Variants in ROBO2 observed in about 807,000 individuals in gnomAD.
The protein encoded by ROBO2 is roundabout homolog 2.
A neutral mutation model predicts 160.8 loss-of-function variants in ROBO2; 53 were observed. The observed-to-expected ratio is 0.33, with a 90% confidence interval of 0.26 to 0.41. ROBO2 has a LOEUF of 0.41. ROBO2 is among the 10% of genes least tolerant of loss of function. ROBO2 has a pLI of 1.00. For synonymous variants in ROBO2, 664 were observed against 611.7 expected (o/e 1.09, Z -1.26); for missense variants, 1,577 against 1,722.4 (o/e 0.92, Z 1.49).
chr3:77,213,970 A>G (rs182850387), intron 2 of ROBO2, among the ~76,000 whole-genome samples: 75 of 152,008 alleles, frequency 4.9e-4, no homozygotes, highest in African/African-American at 1.7e-3. Flanking sequence ...CTGTTTTTTT[A>G]CATTTGCTGA....
chr3:77,041,575 T>C (rs2064102904), intron 1 of ROBO2, among the ~76,000 whole-genome samples: 1 of 152,198 alleles, frequency 6.6e-6, no homozygotes, highest in East Asian at 1.9e-4. Flanking sequence ...CTCTTGTCTT[T>C]TGTTCCGATT....
chr3:77,621,142 TG>T, intron 22 of ROBO2, among the ~76,000 whole-genome samples: 1 of 152,280 alleles, frequency 6.6e-6, no homozygotes, highest in South Asian at 2.1e-4. Flanking sequence ...TAAAGAAGGT[TG>T]GGCCAAGCAT....
At position 77,129,110 on chromosome 3, in the gene ROBO2, G is replaced by A. The variant is rs934886489; in HGVS notation, c.388+30770G>A. 5.9e-5 allele frequency among the ~76,000 whole-genome samples: 9 copies of A among 151,788 alleles called. No homozygotes were observed. In the East Asian group the frequency reaches 1.7e-3, roughly 29 times the overall value. The stretch of plus-strand genomic sequence containing the variant: ...GCTCTTTTTAGAAACTTTTACAACT[G>A]TCTTTTTTTCTACTAATTATTTCTT... On this transcript the variant is annotated intron_variant, in intron 2 of 25. Coordinates refer to ENST00000461745, the Ensembl canonical transcript of ROBO2.
chr3:76,793,382 G>C (rs927337883), intron 2 of ROBO2, among the ~76,000 whole-genome samples: 1 of 151,800 alleles, frequency 6.6e-6, no homozygotes, highest in East Asian at 1.9e-4. Flanking sequence ...CCTGAACGGC[G>C]TTAGCTTTGG....
At chr3:76,846,619 T>A (rs2068795831) in intron 2 of ROBO2, among the ~76,000 whole-genome samples, 2 of 152,118 alleles carry the variant, frequency 1.3e-5, no homozygotes, top group African/African-American at 2.4e-5. Context: ...GAAGTGGTTT[T>A]TAAAAGACTT....
intron 2 of ROBO2, among the ~76,000 whole-genome samples, chr3:77,138,668 T>C (rs1357846991): frequency 7.4e-6 from 1 of 135,314 alleles, no homozygotes; most frequent in Non-Finnish European, 1.7e-5. Flanking sequence ...TGTTTATCCC[T>C]TGTTTAATGT....
chr3:76,898,516 C>T (rs2074985274), intron 2 of ROBO2, among the ~76,000 whole-genome samples: 1 of 151,988 alleles, frequency 6.6e-6, no homozygotes, highest in South Asian at 2.1e-4. Context: ...ATTTGTAAAA[C>T]ACATTTTTAA....
chr3:76,808,432 A>G (rs1286321823), intron 2 of ROBO2, among the ~76,000 whole-genome samples: 1 of 152,162 alleles, frequency 6.6e-6, no homozygotes, highest in Non-Finnish European at 1.5e-5. Flanking sequence ...GTAATATTCT[A>G]GGTGTTAGGA....
chr3:76,968,935 G>C (rs1015758454), intron 2 of ROBO2, among the ~76,000 whole-genome samples: 2 of 152,140 alleles, frequency 1.3e-5, no homozygotes, highest in Non-Finnish European at 2.9e-5. Context: ...AGTGACAGCT[G>C]CATAACCGGA....
At chr3:75,998,172 C>T (rs756211151) in intron 2 of ROBO2, among the ~76,000 whole-genome samples, 38 of 152,238 alleles carry the variant, frequency 2.5e-4, no homozygotes, top group Non-Finnish European at 4.3e-4. Context: ...GCTATACGAG[C>T]TTGTGTGTTT....
At chr3:77,545,695 A>C (rs1281403684) in intron 6 of ROBO2, among the ~76,000 whole-genome samples, 2 of 152,090 alleles carry the variant, frequency 1.3e-5, no homozygotes, top group African/African-American at 2.4e-5. Context: ...TAATTACCTG[A>C]CTAACCTTTA....
intron 2 of ROBO2, among the ~76,000 whole-genome samples, chr3:76,749,930 C>T (rs1257468727): frequency 6.6e-6 from 1 of 152,064 alleles, no homozygotes; most frequent in Non-Finnish European, 1.5e-5. Context: ...AGAGGGAATC[C>T]TCCCTAACTC....
Position 76,896,812 on chromosome 3 carries a change from T to C in ROBO2, c.110-201202T>C, listed in dbSNP as rs182172571. The stretch of plus-strand genomic sequence containing the variant: ...GCCCATTGATTTTGATAATGAATAC[T>C]TGAGGACTTAGGAGAATTTCTAAAC... On this transcript the variant is annotated intron_variant, in intron 2 of 26. Coordinates refer to the ROBO2 transcript ENST00000487694. Among the ~76,000 whole-genome samples the C allele has an allele frequency of 7.9e-5, 12 of 152,324 alleles. No homozygotes were observed. In the East Asian group the frequency reaches 2.3e-3, roughly 29 times the overall value.
chr3:76,225,259 A>G lies in ROBO2; in HGVS notation c.109+287657A>G, dbSNP rs1005491800. On this transcript the variant is annotated intron_variant, in intron 2 of 26. Coordinates refer to the ROBO2 transcript ENST00000487694. ...TTTTTCAATGGGCTTTCAGAAGTTTATTATGTTTTAAAGCAAAGATAAATT... is the reference window on the plus strand; with the variant it reads ...TTTTTCAATGGGCTTTCAGAAGTTTGTTATGTTTTAAAGCAAAGATAAATT... 1.5e-4 allele frequency among the ~76,000 whole-genome samples: 23 copies of G among 152,168 alleles called. 1 individual carries two copies. Among genetic ancestry groups the G allele is most frequent in the Non-Finnish European group, 1.8e-4 (12 of 68,030 alleles).
At chr3:77,170,776 A>G (rs540058761) in intron 2 of ROBO2, among the ~76,000 whole-genome samples, 2 of 152,266 alleles carry the variant, frequency 1.3e-5, no homozygotes, top group Admixed American at 6.5e-5. Context: ...CTACATATTA[A>G]TGACATTAAA....
intron 2 of ROBO2, among the ~76,000 whole-genome samples, chr3:76,957,682 T>G (rs2079367884): frequency 6.6e-6 from 1 of 151,832 alleles, no homozygotes; most frequent in African/African-American, 2.4e-5. Flanking sequence ...AATACAAAAA[T>G]TAGCCTGGCG....
At chr3:76,464,096 T>G (rs2078240055) in intron 2 of ROBO2, among the ~76,000 whole-genome samples, 1 of 152,134 alleles carries the variant, frequency 6.6e-6, no homozygotes, top group African/African-American at 2.4e-5. Context: ...CATTTCACAG[T>G]CTGGTGCCTC....
At chr3:76,418,743 A>G (rs1322139843) in intron 2 of ROBO2, among the ~76,000 whole-genome samples, 2 of 152,086 alleles carry the variant, frequency 1.3e-5, no homozygotes, top group African/African-American at 4.8e-5. Flanking sequence ...ATTTTCAAAT[A>G]AAAAATAATC....
intron 2 of ROBO2, among the ~76,000 whole-genome samples, chr3:77,294,425 A>G (rs1318229292): frequency 7.1e-6 from 1 of 139,982 alleles, no homozygotes; most frequent in African/African-American, 2.9e-5. Context: ...TAAAACGGGA[A>G]GTTGAGCCTA....
Sources: allele counts gnomAD v4.1 joint callset (sites outside exome capture counted in the v4.1 genomes callset), GRCh38; gene constraint gnomAD v4.1.1; transcripts MANE v1.5; gene names NCBI Gene and HGNC (gene_info 2026-07-23, HGNC 2026-07-21).